The following GNA15 variants were observed in gnomAD, a reference collection of about 807,000 sequenced individuals.
GNA15 encodes the protein guanine nucleotide-binding protein subunit alpha-15.
Under a neutral mutation model 40.1 loss-of-function variants are expected in GNA15, and 23 were observed. The ratio of observed to expected loss-of-function variants is 0.57; its 90% CI spans 0.41 to 0.81. GNA15 has a LOEUF of 0.81. Ranked by LOEUF, GNA15 falls within the 40% of genes least tolerant of loss-of-function variation. GNA15 has a pLI of 0.00. For missense variants in GNA15, 522 were observed against 515.8 expected (o/e 1.01, Z -0.12); for synonymous variants, 226 against 210.4 (o/e 1.07, Z -0.64).
At chr19:3,152,508 C>T (rs1043710107) in intron 4 of GNA15, among the ~76,000 whole-genome samples, 7 of 152,012 alleles carry the variant, frequency 4.6e-5, no homozygotes, top group South Asian at 2.1e-4. Flanking sequence ...TCTGAGGGGC[C>T]TAGGGGGACT....
chr19:3,158,854 T>C (rs952869845), intron 6 of GNA15, among the ~76,000 whole-genome samples: 2 of 151,956 alleles, frequency 1.3e-5, no homozygotes, highest in Non-Finnish European at 2.9e-5. Flanking sequence ...CAGGCTGGTC[T>C]CGAACTGACC....
chr19:3,136,445 C>G lies in GNA15; in HGVS notation c.-6C>G, dbSNP rs1341896522. 1.9e-6 allele frequency: 3 copies of G among 1,548,084 alleles called. No homozygotes were observed. The African/African-American group carries it at 4.1e-5, about 21-fold the overall frequency. ...GCCACCCGGTGCCGACTGAGGCCAC[C>G]GCACCATGGCCCGCTCGCTGACCTG... On this transcript the variant is annotated 5_prime_UTR_variant, in exon 1 of 7. Transcript: ENST00000262958. This position sits in a 1 kb window ranked among gnomAD's most constrained non-coding sequence, Gnocchi z 4.9.
At position 3,151,717 on chromosome 19, in the gene GNA15, C is replaced by A. The variant is rs1914885378; in HGVS notation, c.496C>A (p.His166Asn). ...CTCCTTGCTCTGCAGCTACCTGTCC[C>A]ACCTGGAGCGCATCACCGAGGAGGG... is the stretch of plus-strand genomic sequence containing the variant. Reference protein sequence around the residue: ...LLDSAVYYLSHLERITEEGYV... With the variant: ...LLDSAVYYLSNLERITEEGYV... The change falls in exon 4 of 7, where the codon CAC becomes AAC. Residue 166 changes from histidine to asparagine, a missense_variant. Transcript: ENST00000262958. This position sits in a 1 kb window ranked among gnomAD's most constrained non-coding sequence, Gnocchi z 5.0. The A allele has an allele frequency of 2.5e-6, 4 of 1,601,458 alleles. No homozygotes were observed. The highest frequency in any genetic ancestry group is 3.4e-6 in the Non-Finnish European group (4 of 1,174,404).
intron 1 of GNA15, among the ~76,000 whole-genome samples, chr19:3,140,592 C>T (rs917094524): frequency 2.0e-5 from 3 of 152,154 alleles, no homozygotes; most frequent in African/African-American, 7.2e-5. Flanking sequence ...CTGGCCCTCA[C>T]TATTTGTTCA....
At chr19:3,160,763 T>C (rs62125876) in intron 6 of GNA15, among the ~76,000 whole-genome samples, 26,089 of 152,074 alleles carry the variant, frequency 0.17, 2,537 homozygotes, top group Non-Finnish European at 0.22. Context: ...ATCCATTCCA[T>C]GCTTCTCTCT....
At chr19:3,148,994 C>T (rs1398751421) in intron 2 of GNA15, 1 of 564,918 alleles carries the variant, frequency 1.8e-6, no homozygotes, top group Non-Finnish European at 3.2e-6. Flanking sequence ...TAAATGCACA[C>T]ACGCACATGT....
Position 3,151,867 on chromosome 19 carries a change from G to T in GNA15, c.614+32G>T, listed in dbSNP as rs770857305. The T allele has an allele frequency of 2.6e-6, 4 of 1,535,142 alleles. No homozygotes were observed. The highest frequency in any genetic ancestry group is 3.5e-6 in the Non-Finnish European group (4 of 1,129,470). The stretch of plus-strand genomic sequence containing the variant: ...GCTCCACCTAGGCCCAGCCTAGGGG[G>T]CAGGGAAGGCTTCCTGTAGGAAGGG... On this transcript the variant is annotated intron_variant, in intron 4 of 6. Transcript: ENST00000262958. This position sits in a 1 kb window ranked among gnomAD's most constrained non-coding sequence, Gnocchi z 5.0.
At position 3,136,620 on chromosome 19, in the gene GNA15, G is replaced by C; in HGVS notation, c.145+25G>C. On this transcript the variant is annotated intron_variant, in intron 1 of 6. Transcript: ENST00000262958. The surrounding 1 kb of genome is among the most constrained non-coding windows in gnomAD (Gnocchi z 4.9). ...GGTGAGTCCAGGGTCGGTGGGCGGTGGGTGGTGGGCAGTGGGCGGTGGCCA... is the reference window on the plus strand; with the variant it reads ...GGTGAGTCCAGGGTCGGTGGGCGGTCGGTGGTGGGCAGTGGGCGGTGGCCA... 3.9e-6 allele frequency: 6 copies of C among 1,544,666 alleles called. No individual in the cohort carries two copies. The highest frequency in any genetic ancestry group is 5.2e-6 in the Non-Finnish European group (6 of 1,143,054).
At chr19:3,140,474 GT>G (rs1914554363) in intron 1 of GNA15, among the ~76,000 whole-genome samples, 1 of 152,048 alleles carries the variant, frequency 6.6e-6, no homozygotes, top group African/African-American at 2.4e-5. Context: ...TTCACTCCAT[GT>G]AGGTCTCAAC....
At chr19:3,138,452 G>C (rs749135486) in intron 1 of GNA15, among the ~76,000 whole-genome samples, 2 of 152,106 alleles carry the variant, frequency 1.3e-5, no homozygotes, top group Admixed American at 6.6e-5. Context: ...TTCTGGACTC[G>C]CGTTTGTCTG....
chr19:3,149,434 ATGC>A (rs1229854410), intron 2 of GNA15: 2 of 156,774 alleles, frequency 1.3e-5, no homozygotes, highest in Non-Finnish European at 2.8e-5. Context: ...ACACATACAA[ATGC>A]ACACACAAGC....
intron 1 of GNA15, among the ~76,000 whole-genome samples, chr19:3,144,956 G>A (rs1224890838): frequency 6.6e-6 from 1 of 151,870 alleles, no homozygotes; most frequent in Non-Finnish European, 1.5e-5. Context: ...AGCCTCCTGT[G>A]TAGCTGGGAT....
chr19:3,151,613 C>T lies in GNA15; in HGVS notation c.486-94C>T, dbSNP rs1914882075. On this transcript the variant is annotated intron_variant, in intron 3 of 6. Coordinates refer to ENST00000262958, the MANE Select transcript of GNA15 (RefSeq NM_002068.4). The surrounding 1 kb of genome is among the most constrained non-coding windows in gnomAD (Gnocchi z 5.0). ...CCACCTCCACCCAGGGAGCTCTCCT[C>T]CCCCAGCAGGGTCCTTGCTGGGCCT... 1 of 1,409,736 alleles carries T rather than the reference C, an allele frequency of 7.1e-7. No individual in the cohort carries two copies. Among genetic ancestry groups the T allele is most frequent in the Admixed American group, 2.6e-5 (1 of 38,668 alleles). The allele number at this position is 1,409,736 out of a possible 1,614,324, so 87.3% of individuals were successfully genotyped here.
At position 3,151,868 on chromosome 19, in the gene GNA15, C is replaced by A; in HGVS notation, c.614+33C>A. ...CTCCACCTAGGCCCAGCCTAGGGGG[C>A]AGGGAAGGCTTCCTGTAGGAAGGGC... On this transcript the variant is annotated intron_variant, in intron 4 of 6. Coordinates refer to ENST00000262958, the MANE Select transcript of GNA15 (RefSeq NM_002068.4). The surrounding 1 kb of genome is among the most constrained non-coding windows in gnomAD (Gnocchi z 5.0). 1 of 1,524,172 alleles carries A rather than the reference C, an allele frequency of 6.6e-7. No homozygotes were observed. The highest frequency in any genetic ancestry group is 2.3e-5 in the East Asian group (1 of 42,978). The allele number at this position is 1,524,172 out of a possible 1,614,324, so 94.4% of individuals were successfully genotyped here. A position where few individuals can be genotyped will look rare whatever the true frequency, so the allele number is the denominator to read the frequency against.
chr19:3,150,316 G>T (rs759534594), intron 3 of GNA15, 31 bp downstream of exon 3: 22 of 1,513,168 alleles, frequency 1.5e-5, no homozygotes, highest in Non-Finnish European at 1.8e-5. Flanking sequence ...GGATGGGCGC[G>T]TGGGGAGGGG....
Position 3,136,517 on chromosome 19 carries a change from C to T in GNA15, c.67C>T (p.Arg23Trp), listed in dbSNP as rs749833575. 8.9e-6 allele frequency: 14 copies of T among 1,565,430 alleles called. No homozygotes were observed. The highest frequency in any genetic ancestry group is 2.3e-5 in the South Asian group (2 of 85,244). Residue 23 changes from arginine (R) to tryptophan (W), a missense_variant, in exon 1 of 7, where the codon CGG becomes TGG. Physicochemically the swap from Arg to Trp is moderately radical, Grantham distance 101 (BLOSUM62 -3). Transcript: ENST00000262958. The surrounding 1 kb of genome is among the most constrained non-coding windows in gnomAD (Gnocchi z 4.9). Reference protein sequence around the residue: ...CLTEDEKAAARVDQEINRILL... With the variant: ...CLTEDEKAAAWVDQEINRILL... ...GACGGAGGATGAGAAGGCCGCCGCC[C>T]GGGTGGACCAGGAGATCAACAGGAT...
intron 1 of GNA15, among the ~76,000 whole-genome samples, chr19:3,148,122 C>T (rs61167836): frequency 0.42 from 64,275 of 151,368 alleles, 15,077 homozygotes; most frequent in Admixed American, 0.54. Flanking sequence ...AGAATCTCGC[C>T]CTGTCGCTCA....
At chr19:3,157,918 C>G (rs66509881) in intron 6 of GNA15, 37 bp downstream of exon 6, 3 of 1,515,340 alleles carry the variant, frequency 2.0e-6, no homozygotes, top group Non-Finnish European at 2.8e-6. Context: ...CCTTCAACTC[C>G]CAAAAGCAGC....
At chr19:3,144,740 G>A (rs975763754) in intron 1 of GNA15, among the ~76,000 whole-genome samples, 2 of 151,504 alleles carry the variant, frequency 1.3e-5, no homozygotes, top group Admixed American at 6.6e-5. Flanking sequence ...GTGTTAGCCA[G>A]GATGGTCTCG....
Sources: gnomAD v4.1 joint callset for allele counts (sites outside exome capture counted in the v4.1 genomes callset) on GRCh38, gnomAD v4.1.1 for gene constraint, Gnocchi (gnomAD v3.1) non-coding constraint, MANE v1.5 for transcripts, NCBI Gene and HGNC (gene_info 2026-07-23, HGNC 2026-07-21) for gene names.